Variants in EPHA4 observed in about 807,000 individuals in gnomAD.
EPHA4 encodes EPH receptor A4, also known as ephrin type-A receptor 4.
In EPHA4, 19 loss-of-function variants were observed where a neutral mutation model predicts 108.3. The ratio of observed to expected loss-of-function variants is 0.18; its 90% confidence interval spans 0.12 to 0.26. The LOEUF is 0.26. EPHA4 is among the 10% of genes least tolerant of loss of function. EPHA4 has a pLI of 1.00. For missense variants in EPHA4, 917 were observed against 1,254.0 expected (o/e 0.73, Z 4.06); for synonymous variants, 449 against 455.5 (o/e 0.99, Z 0.18).
chr2:221,442,959 G>C lies in EPHA4; in HGVS notation c.1944C>G (p.Ile648Met). 6.2e-7 allele frequency: 1 copy of C among 1,614,132 alleles called. No homozygotes were observed. The highest frequency in any genetic ancestry group is 8.5e-7 in the Non-Finnish European group (1 of 1,180,022). ...CTTTCAGAGTCTTGATAGCCACACAGATCTCTCTCTTGCCAGGCACTTTGA... is the reference window on the plus strand; with the variant it reads ...CTTTCAGAGTCTTGATAGCCACACACATCTCTCTCTTGCCAGGCACTTTGA... ...GRLKVPGKRE[I>M]CVAIKTLKAG... The change falls in exon 11 of 18, where the codon ATC (isoleucine) becomes ATG (methionine). Residue 648 changes from isoleucine (I) to methionine (M), a missense_variant. By Grantham distance (10) the Ile-to-Met change is conservative. This residue lies in a region of EPHA4 where 758 missense variants were observed against 1,076.7 expected (regional missense o/e 0.70). Transcript: ENST00000281821.
At chr2:221,515,903 AT>A (rs1022559258) in intron 3 of EPHA4, among the ~76,000 whole-genome samples, 10 of 149,662 alleles carry the variant, frequency 6.7e-5, no homozygotes, top group African/African-American at 2.0e-4. Context: ...TTAAAATAGG[AT>A]TTTTTCCCCC....
intron 5 of EPHA4, among the ~76,000 whole-genome samples, chr2:221,474,614 C>T (rs562158006): frequency 3.9e-5 from 6 of 152,184 alleles, no homozygotes; most frequent in East Asian, 1.9e-4. Context: ...AACCAGCTAC[C>T]GATTCCCTAC....
intron 15 of EPHA4, among the ~76,000 whole-genome samples, chr2:221,428,030 T>C: frequency 6.6e-6 from 1 of 152,226 alleles, no homozygotes; most frequent in Non-Finnish European, 1.5e-5. Context: ...ATAATCAAGA[T>C]ATAATTATTC....
intron 3 of EPHA4, among the ~76,000 whole-genome samples, chr2:221,514,456 T>A (rs1401326340): frequency 6.6e-6 from 1 of 152,168 alleles, no homozygotes; most frequent in Non-Finnish European, 1.5e-5. Context: ...TTTGGGAGGT[T>A]CTGTGGGAAG....
At chr2:221,530,907 G>A (rs1441130727) in intron 3 of EPHA4, among the ~76,000 whole-genome samples, 1 of 152,114 alleles carries the variant, frequency 6.6e-6, no homozygotes, top group Non-Finnish European at 1.5e-5. Context: ...CCCCCTCCAA[G>A]TACCCTGGAG....
intron 11 of EPHA4, 76 bp downstream of exon 11, chr2:221,442,753 T>A: frequency 2.7e-6 from 4 of 1,499,744 alleles, no homozygotes; most frequent in Non-Finnish European, 3.7e-6. Context: ...CATCTGTCAT[T>A]TCCCTGGAAA....
At chr2:221,523,158 T>C (rs1222531527) in intron 3 of EPHA4, among the ~76,000 whole-genome samples, 1 of 152,142 alleles carries the variant, frequency 6.6e-6, no homozygotes, top group East Asian at 1.9e-4. Context: ...ACACTGGCGA[T>C]CAGTTGGGTA....
intron 8 of EPHA4, among the ~76,000 whole-genome samples, chr2:221,450,295 T>G (rs1690739831): frequency 6.6e-6 from 1 of 152,210 alleles, no homozygotes; most frequent in Admixed American, 6.5e-5. Flanking sequence ...GAACCATAAC[T>G]GTTTCAGCAT....
intron 11 of EPHA4, among the ~76,000 whole-genome samples, chr2:221,442,426 C>T (rs1282827397): frequency 2.0e-5 from 3 of 152,238 alleles, no homozygotes. Flanking sequence ...CCAAGCTTCA[C>T]TCTCTGCATC....
chr2:221,433,664 C>T (rs945758496), intron 14 of EPHA4, among the ~76,000 whole-genome samples: 1 of 152,144 alleles, frequency 6.6e-6, no homozygotes, highest in Non-Finnish European at 1.5e-5. Flanking sequence ...GCATAATTTA[C>T]CAAGGGTCAT....
chr2:221,554,052 G>A (rs1694237445), intron 3 of EPHA4, among the ~76,000 whole-genome samples: 1 of 152,208 alleles, frequency 6.6e-6, no homozygotes. Flanking sequence ...GAAGAGGTTA[G>A]TAAGATCACC....
chr2:221,538,140 T>A (rs1185195336), intron 3 of EPHA4, among the ~76,000 whole-genome samples: 1 of 152,200 alleles, frequency 6.6e-6, no homozygotes, highest in Non-Finnish European at 1.5e-5. Flanking sequence ...CGTAGTGGGA[T>A]GAAACAGATG....
chr2:221,481,645 C>T (rs1369218300), intron 5 of EPHA4, among the ~76,000 whole-genome samples: 1 of 151,870 alleles, frequency 6.6e-6, no homozygotes, highest in Admixed American at 6.6e-5. Flanking sequence ...CAGAGTGAAA[C>T]TCTGTCTCAA....
chr2:221,544,079 C>T (rs976625191), intron 3 of EPHA4, among the ~76,000 whole-genome samples: 2 of 152,120 alleles, frequency 1.3e-5, no homozygotes, highest in African/African-American at 4.8e-5. Flanking sequence ...GGACATTAAT[C>T]ATATTCATGA....
intron 17 of EPHA4, among the ~76,000 whole-genome samples, chr2:221,423,350 C>A (rs546687305): frequency 2.6e-4 from 40 of 152,318 alleles, no homozygotes; most frequent in Non-Finnish European, 5.6e-4. Context: ...TGGCTCTGCG[C>A]CCTGGGAAAC....
intron 5 of EPHA4, among the ~76,000 whole-genome samples, chr2:221,466,704 A>T (rs889787914): frequency 2.0e-5 from 3 of 152,192 alleles, no homozygotes; most frequent in African/African-American, 7.2e-5. Flanking sequence ...AAACCTCACA[A>T]AAACTCTATG....
chr2:221,547,697 A>G (rs192189217), intron 3 of EPHA4, among the ~76,000 whole-genome samples: 77 of 152,322 alleles, frequency 5.1e-4, no homozygotes, highest in Admixed American at 1.6e-3. Context: ...ACCTTATATA[A>G]GAATGCAAGG....
At chr2:221,526,852 C>CAAAAAA (rs528335766) in intron 3 of EPHA4, among the ~76,000 whole-genome samples, 1 of 48,618 alleles carries the variant, frequency 2.1e-5, no homozygotes, top group South Asian at 1.1e-3. Context: ...GACTCGGCCT[C>CAAAAAA]AAAAAAAAAA....
Position 221,564,278 on chromosome 2 carries a change from T to G in EPHA4, c.276A>C (p.Glu92Asp). ...NWLRTDWITR[E>D]GAQRVYIEIK... ...TCTCAATATACACCCTCTGAGCCCC[T>G]TCTCGGGTGATCCAATCAGTTCGTA... The change falls in exon 3 of 18, where the codon GAA (glutamate) becomes GAC (aspartate). Residue 92 changes from glutamate (E) to aspartate (D), a missense_variant. Around this residue, in one of 3 missense-constraint regions of EPHA4, gnomAD observed 758 missense variants for 1,076.7 expected, o/e 0.70. Coordinates refer to ENST00000281821, the MANE Select transcript of EPHA4 (RefSeq NM_004438.5). 1 of 1,614,154 alleles carries G rather than the reference T, an allele frequency of 6.2e-7. No homozygotes were observed. Among genetic ancestry groups the G allele is most frequent in the South Asian group, 1.1e-5 (1 of 91,076 alleles).
Sources: allele counts gnomAD v4.1 joint callset (sites outside exome capture counted in the v4.1 genomes callset), GRCh38; gene constraint gnomAD v4.1.1; regional missense constraint gnomAD v4.1.1; transcripts MANE v1.5; gene names NCBI Gene and HGNC (gene_info 2026-07-23, HGNC 2026-07-21).